The following WIPF3 variants were observed in gnomAD, a reference collection of about 807,000 sequenced individuals.
WIPF3 encodes WAS/WASL interacting protein family member 3, also known as WAS/WASL-interacting protein family member 3.
WIPF3 carries 33 observed loss-of-function variants against 38.9 expected under a neutral mutation model. That is an observed-to-expected ratio of 0.85 (90% CI 0.64 to 1.14). The LOEUF (loss-of-function observed/expected upper bound fraction) is 1.14. WIPF3 is among the 50% of genes most tolerant of loss of function. The pLI, the probability that WIPF3 is intolerant of heterozygous loss-of-function variation, is 0.00. For missense variants in WIPF3, 711 were observed against 652.5 expected (o/e 1.09, Z -0.98); for synonymous variants, 324 against 269.3 (o/e 1.20, Z -1.99).
At position 29,888,139 on chromosome 7, in the gene WIPF3, AAGAGCCAGC is replaced by A. The variant is rs1208107462; in HGVS notation, c.1174_1182del (p.Ser392_Gln394del). 1 of 1,613,894 alleles carries A rather than the reference AAGAGCCAGC, an allele frequency of 6.2e-7. No homozygotes were observed. Among genetic ancestry groups the A allele is most frequent in the Non-Finnish European group, 8.5e-7 (1 of 1,179,852 alleles). ...ATCACCTACCACAGAGCTTTCAAGC[AAGAGCCAGC>A]AGGCCACAGCCTGGACCCCGACGCA... On this transcript the variant is annotated inframe_deletion, in exon 6 of 9. Coordinates refer to ENST00000242140, the MANE Select transcript of WIPF3 (RefSeq NM_001080529.3).
chr7:29,888,175 C>G lies in WIPF3; in HGVS notation c.1207C>G (p.Gln403Glu). ...GGCCACAGCCTGGACCCCGACGCAGCAGCCTGGAGGTCAACTGCGAAATGG... is the reference window on the plus strand; with the variant it reads ...GGCCACAGCCTGGACCCCGACGCAGGAGCCTGGAGGTCAACTGCGAAATGG... ...QQATAWTPTQ[Q>E]PGGQLRNGSL... The change falls in exon 6 of 9, where the codon CAG becomes GAG. Residue 403 changes from glutamine to glutamate, a missense_variant. Transcript: ENST00000242140. 1 of 1,612,974 alleles carries G rather than the reference C, an allele frequency of 6.2e-7. No homozygotes were observed. The highest frequency in any genetic ancestry group is 8.5e-7 in the Non-Finnish European group (1 of 1,179,478).
At chr7:29,853,512 G>A (rs1250736040) in intron 2 of WIPF3, among the ~76,000 whole-genome samples, 1 of 152,218 alleles carries the variant, frequency 6.6e-6, no homozygotes. Context: ...TAAAGCCCCA[G>A]GGCAGTCAGT....
At chr7:29,901,463 C>T (rs1438527106) in intron 7 of WIPF3, among the ~76,000 whole-genome samples, 3 of 148,428 alleles carry the variant, frequency 2.0e-5, no homozygotes, top group Non-Finnish European at 4.4e-5. Context: ...CCCCTTTAAC[C>T]TCCCCAATAT....
At chr7:29,884,865 A>G (rs1785839988) in intron 5 of WIPF3, among the ~76,000 whole-genome samples, 1 of 151,966 alleles carries the variant, frequency 6.6e-6, no homozygotes, top group Non-Finnish European at 1.5e-5. Flanking sequence ...AATAGTTGTT[A>G]CCTCCTGGGT....
intron 2 of WIPF3, among the ~76,000 whole-genome samples, chr7:29,867,884 C>T (rs1785419592): frequency 2.0e-5 from 3 of 152,062 alleles, no homozygotes; most frequent in Admixed American, 1.3e-4. Context: ...GATCCAGGGA[C>T]TAAGGTTTCT....
At chr7:29,829,263 G>C (rs1583593764) in intron 1 of WIPF3, among the ~76,000 whole-genome samples, 1 of 144,666 alleles carries the variant, frequency 6.9e-6, no homozygotes, top group Non-Finnish European at 1.5e-5. Flanking sequence ...CCCAGGCTGG[G>C]GTGCAGTGGC....
rs1297953460 is a variant in WIPF3 at position 29,913,867 on chromosome 7, C to T, written c.1429-626C>T. ...GTGCAGGATCTGGTCTCCAGCCTCA[C>T]GGCAGGCATGCACCCAGATCACCTG... On this transcript the variant is annotated intron_variant, in intron 8 of 8. Coordinates refer to ENST00000242140, the MANE Select transcript of WIPF3 (RefSeq NM_001080529.3). Among the ~76,000 whole-genome samples the T allele has an allele frequency of 7.2e-5, 11 of 152,198 alleles. 1 individual carries two copies. Among genetic ancestry groups the T allele is most frequent in the East Asian group, 5.8e-4 (3 of 5,198 alleles).
intron 2 of WIPF3, among the ~76,000 whole-genome samples, chr7:29,870,325 T>A (rs549929771): frequency 2.0e-4 from 30 of 152,292 alleles, no homozygotes; most frequent in Admixed American, 8.5e-4. Context: ...AAGATTACTC[T>A]GTCTGTTGTG....
At chr7:29,829,906 T>A (rs1203733882) in intron 1 of WIPF3, among the ~76,000 whole-genome samples, 1 of 152,220 alleles carries the variant, frequency 6.6e-6, no homozygotes. Flanking sequence ...TATAAAAGCC[T>A]TTGAGAATCT....
intron 4 of WIPF3, among the ~76,000 whole-genome samples, chr7:29,879,767 T>G (rs572287759): frequency 1.3e-4 from 20 of 152,332 alleles, no homozygotes; most frequent in Non-Finnish European, 1.9e-4. Flanking sequence ...CTCTATCACG[T>G]GGTCTCTCAG....
intron 1 of WIPF3, among the ~76,000 whole-genome samples, chr7:29,808,690 A>AGT (rs59634993): frequency 0.042 from 6,291 of 150,538 alleles, 225 homozygotes; most frequent in Non-Finnish European, 0.061. Flanking sequence ...GAATGGAGGA[A>AGT]GTGTGTGTGT....
Position 29,834,675 on chromosome 7 carries a change from G to A in WIPF3, c.-50G>A. ...TCTTTTTCTCTTTTTCAGAGCAGAA[G>A]CCACTCTCTTGGGACCATTCATAAG... On this transcript the variant is annotated 5_prime_UTR_variant, in exon 2 of 9. Transcript: ENST00000242140. 1.4e-6 allele frequency: 2 copies of A among 1,397,440 alleles called. No homozygotes were observed. The highest frequency in any genetic ancestry group is 3.3e-5 in the South Asian group (2 of 60,174). 86.6% of individuals were successfully genotyped at this position (1,397,440 alleles called of 1,614,324 possible).
At position 29,903,685 on chromosome 7, in the gene WIPF3, T is replaced by C. The variant is rs79778720; in HGVS notation, c.1352-601T>C. Among the ~76,000 whole-genome samples, 30 of 124,226 alleles carry C rather than the reference T, an allele frequency of 2.4e-4. No homozygotes were observed. In the East Asian group the frequency reaches 5.4e-3, roughly 22 times the overall value. The allele number at this position is 124,226 out of a possible 152,430, so 81.5% of individuals were successfully genotyped here. Reference sequence around the variant, plus strand: ...ATCTGTATATATACAGATGTATGTATGGAAATACCAAAAAGAAAAAAAAAA... The same window carrying C: ...ATCTGTATATATACAGATGTATGTACGGAAATACCAAAAAGAAAAAAAAAA... On this transcript the variant is annotated intron_variant, in intron 7 of 8. Transcript: ENST00000242140.
At position 29,844,720 on chromosome 7, in the gene WIPF3, A is replaced by T. The variant is rs775149371; in HGVS notation, c.90+9906A>T. Among the ~76,000 whole-genome samples, 2 of 152,228 alleles carry T rather than the reference A, an allele frequency of 1.3e-5. No individual in the cohort carries two copies. Among genetic ancestry groups the T allele is most frequent in the African/African-American group, 2.4e-5 (1 of 41,442 alleles). On this transcript the variant is annotated intron_variant, in intron 2 of 8. Coordinates refer to ENST00000242140, the MANE Select transcript of WIPF3 (RefSeq NM_001080529.3). The surrounding 1 kb of genome is among the most constrained non-coding windows in gnomAD (Gnocchi z 4.8). ...CCTTTGCATTGGCCTGTGGACTAGC[A>T]CATAGTAATTGAGTTATTCTTCACA...
At position 29,834,916 on chromosome 7, in the gene WIPF3, C is replaced by T. The variant is rs759812579; in HGVS notation, c.90+102C>T. 1.5e-5 allele frequency: 21 copies of T among 1,381,850 alleles called. No homozygotes were observed. The Middle Eastern group carries it at 1.3e-3, about 83-fold the overall frequency. The allele number at this position is 1,381,850 out of a possible 1,614,324, so 85.6% of individuals were successfully genotyped here. Reference sequence around the variant, plus strand: ...TTCAGAAGTAGCACTGCCTAGCTTCCCTGTGGCAGGTGGCATCTTAGGTGG... The same window carrying T: ...TTCAGAAGTAGCACTGCCTAGCTTCTCTGTGGCAGGTGGCATCTTAGGTGG... On this transcript the variant is annotated intron_variant, in intron 2 of 8. Coordinates refer to ENST00000242140, the MANE Select transcript of WIPF3 (RefSeq NM_001080529.3).
intron 8 of WIPF3, chr7:29,905,253 C>T (rs10488082): frequency 0.15 from 22,606 of 152,070 alleles, 1,822 homozygotes; most frequent in African/African-American, 0.19. Context: ...GATTCTTAGA[C>T]GATCACAGGT....
intron 7 of WIPF3, among the ~76,000 whole-genome samples, chr7:29,891,729 C>T (rs999036302): frequency 2.0e-5 from 3 of 152,192 alleles, no homozygotes; most frequent in Admixed American, 2.0e-4. Flanking sequence ...TCCTCCACCA[C>T]GCACCCACCA....
At chr7:29,902,253 T>G (rs1786297560) in intron 7 of WIPF3, among the ~76,000 whole-genome samples, 1 of 146,366 alleles carries the variant, frequency 6.8e-6, no homozygotes, top group African/African-American at 2.5e-5. Flanking sequence ...TGTATATTAG[T>G]GTTTTCTTCT....
At chr7:29,901,347 T>C (rs1786270603) in intron 7 of WIPF3, among the ~76,000 whole-genome samples, 1 of 150,944 alleles carries the variant, frequency 6.6e-6, no homozygotes, top group Non-Finnish European at 1.5e-5. Context: ...TGACAAACCC[T>C]GACTAAGTCC....
Sources: allele counts gnomAD v4.1 joint callset (sites outside exome capture counted in the v4.1 genomes callset), GRCh38; gene constraint gnomAD v4.1.1; non-coding constraint Gnocchi (gnomAD v3.1); transcripts MANE v1.5; gene names NCBI Gene and HGNC (gene_info 2026-07-23, HGNC 2026-07-21).